Variants in VAV3 observed in about 807,000 individuals in gnomAD.
VAV3 encodes the protein vav guanine nucleotide exchange factor 3.
VAV3 carries 94 observed loss-of-function variants against 131.2 expected under a neutral mutation model. The observed-to-expected ratio is 0.72, with a 90% confidence interval of 0.61 to 0.85. The LOEUF is 0.85. Ranked by LOEUF, VAV3 falls within the 40% of genes least tolerant of loss-of-function variation. VAV3 has a pLI of 0.00. For synonymous variants in VAV3, 349 were observed against 342.0 expected (o/e 1.02, Z -0.22); for missense variants, 939 against 1,002.7 (o/e 0.94, Z 0.86).
At chr1:107,596,843 T>C (rs1184806527) in intron 24 of VAV3, among the ~76,000 whole-genome samples, 1 of 152,208 alleles carries the variant, frequency 6.6e-6, no homozygotes. Flanking sequence ...CTTGAGACTG[T>C]TTTTAGTTTC....
chr1:107,904,763 C>G (rs964330082), intron 1 of VAV3, among the ~76,000 whole-genome samples: 3 of 152,182 alleles, frequency 2.0e-5, no homozygotes, highest in Non-Finnish European at 2.9e-5. Context: ...TCTCTACCAT[C>G]ATGAGACTTT....
At chr1:107,810,912 G>A (rs1453404713) in intron 2 of VAV3, among the ~76,000 whole-genome samples, 1 of 151,984 alleles carries the variant, frequency 6.6e-6, no homozygotes, top group African/African-American at 2.4e-5. Context: ...CAAGACAATG[G>A]AAGAAAATTA....
chr1:107,812,905 C>T (rs927874257), intron 2 of VAV3, among the ~76,000 whole-genome samples: 5 of 152,032 alleles, frequency 3.3e-5, no homozygotes, highest in South Asian at 4.1e-4. Flanking sequence ...AGGCGGATCA[C>T]GAGATCAGGA....
At chr1:107,755,339 A>C in intron 12 of VAV3, 88 bp downstream of exon 12, 1 of 1,019,292 alleles carries the variant, frequency 9.8e-7, no homozygotes, top group South Asian at 1.5e-5. Flanking sequence ...AGAAACTTGA[A>C]GGTAAACTAT....
chr1:107,854,939 C>A (rs995763721), intron 2 of VAV3, among the ~76,000 whole-genome samples: 28 of 152,254 alleles, frequency 1.8e-4, no homozygotes, highest in African/African-American at 6.8e-4. Flanking sequence ...CTTTCCCCTA[C>A]ATAGCGACCG....
chr1:107,872,294 T>G lies in VAV3; in HGVS notation c.321+2607A>C, dbSNP rs372417463. Among the ~76,000 whole-genome samples the G allele has an allele frequency of 4.6e-5, 7 of 152,158 alleles. No individual in the cohort carries two copies. In the South Asian group the frequency reaches 1.4e-3, roughly 31 times the overall value. ...CAGTAATATTAAGCACTCTGAAAACTTCAAAGGCTATAAAAACACTAGGTG... is the reference window on the plus strand; with the variant it reads ...CAGTAATATTAAGCACTCTGAAAACGTCAAAGGCTATAAAAACACTAGGTG... On this transcript the variant is annotated intron_variant, in intron 2 of 26. Transcript: ENST00000370056.
At chr1:107,768,639 G>T in intron 6 of VAV3, 130 bp from the exon 7 acceptor site, 1 of 587,412 alleles carries the variant, frequency 1.7e-6, no homozygotes, top group South Asian at 3.1e-5. Context: ...CACCAAAATT[G>T]TAGAAACTAT....
chr1:107,952,468 T>TTTATATATATA (rs1553235441), intron 1 of VAV3, among the ~76,000 whole-genome samples: 48 of 118,940 alleles, frequency 4.0e-4, no homozygotes, highest in African/African-American at 1.0e-3. Flanking sequence ...TAACAAAACT[T>TTTATATATATA]TATATATATA....
chr1:107,752,751 T>C (rs1570896894), intron 12 of VAV3, among the ~76,000 whole-genome samples: 1 of 152,206 alleles, frequency 6.6e-6, no homozygotes, highest in Admixed American at 6.5e-5. Flanking sequence ...CACGATGAGA[T>C]ATTGCTTTAA....
At chr1:107,727,181 T>A (rs1661895671) in intron 15 of VAV3, among the ~76,000 whole-genome samples, 1 of 152,224 alleles carries the variant, frequency 6.6e-6, no homozygotes, top group South Asian at 2.1e-4. Context: ...ATGGATGAAT[T>A]AAGTTTCAGA....
intron 1 of VAV3, among the ~76,000 whole-genome samples, chr1:107,900,951 T>G (rs966863095): frequency 2.0e-5 from 3 of 152,216 alleles, no homozygotes; most frequent in Non-Finnish European, 4.4e-5. Flanking sequence ...ATATTTTACG[T>G]AAATAAGATT....
At chr1:107,841,281 T>C (rs1170861844) in intron 2 of VAV3, among the ~76,000 whole-genome samples, 1 of 151,980 alleles carries the variant, frequency 6.6e-6, no homozygotes, top group Non-Finnish European at 1.5e-5. Flanking sequence ...CTGGTGTATT[T>C]AGGGGAAAGG....
At chr1:107,795,718 G>A (rs140260665) in intron 2 of VAV3, among the ~76,000 whole-genome samples, 4 of 152,362 alleles carry the variant, frequency 2.6e-5, no homozygotes, top group Admixed American at 6.5e-5. Flanking sequence ...TGCATAAGTC[G>A]TTAGGGCTTT....
chr1:107,768,569 GT>G (rs1664864181), intron 6 of VAV3, 60 bp from the exon 7 acceptor site: 7 of 1,369,180 alleles, frequency 5.1e-6, no homozygotes, highest in African/African-American at 1.5e-5. Context: ...CTATATAATA[GT>G]TTTTCATCAA....
chr1:107,850,500 T>G (rs1054316223), intron 2 of VAV3, among the ~76,000 whole-genome samples: 1 of 151,804 alleles, frequency 6.6e-6, no homozygotes, highest in Non-Finnish European at 1.5e-5. Flanking sequence ...ATGTTCTCAC[T>G]TATAAATGTG....
At chr1:107,632,271 C>T (rs1220229035) in intron 20 of VAV3, among the ~76,000 whole-genome samples, 1 of 152,146 alleles carries the variant, frequency 6.6e-6, no homozygotes, top group Non-Finnish European at 1.5e-5. Context: ...CTGGGCTCAA[C>T]CAAGGCCATC....
intron 2 of VAV3, among the ~76,000 whole-genome samples, chr1:107,857,484 CT>C (rs1669528360): frequency 6.6e-6 from 1 of 152,046 alleles, no homozygotes; most frequent in African/African-American, 2.4e-5. Context: ...TTTGTTATAA[CT>C]TTTTAGACTG....
chr1:107,741,013 G>A (rs1662989237), intron 15 of VAV3, among the ~76,000 whole-genome samples: 1 of 152,118 alleles, frequency 6.6e-6, no homozygotes, highest in Admixed American at 6.5e-5. Flanking sequence ...ACCTCCTGAT[G>A]AAGAAAATGA....
chr1:107,749,423 T>C (rs781169847), intron 14 of VAV3, 39 bp downstream of exon 14: 23 of 1,563,634 alleles, frequency 1.5e-5, no homozygotes, highest in Non-Finnish European at 2.0e-5. Context: ...ATGTTCAAGA[T>C]TATAAGTAAA....
Sources: gnomAD v4.1 joint callset for allele counts (sites outside exome capture counted in the v4.1 genomes callset) on GRCh38, gnomAD v4.1.1 for gene constraint, MANE v1.5 for transcripts, NCBI Gene and HGNC (gene_info 2026-07-23, HGNC 2026-07-21) for gene names.